SSBP3: variants seen among roughly 807,000 people sequenced by gnomAD.
The protein encoded by SSBP3 is single stranded DNA binding protein 3.
A neutral mutation model predicts 69.6 loss-of-function variants in SSBP3; 5 were observed. The observed-to-expected ratio is 0.07, with a 90% CI of 0.04 to 0.15. The LOEUF is 0.15. Among genes scored for constraint, SSBP3 ranks in the 10% least tolerant of loss-of-function variants. The pLI is 1.00. For missense variants in SSBP3, 312 were observed against 534.0 expected (o/e 0.58, Z 4.10); for synonymous variants, 196 against 193.4 (o/e 1.01, Z -0.11).
intron 4 of SSBP3, among the ~76,000 whole-genome samples, chr1:54,355,326 C>A (rs1167710131): frequency 6.6e-6 from 1 of 152,180 alleles, no homozygotes; most frequent in Non-Finnish European, 1.5e-5. Context: ...ACAGACATTA[C>A]AGGGAGATCT....
At chr1:54,254,576 C>A (rs1044220607) in intron 7 of SSBP3, among the ~76,000 whole-genome samples, 4 of 152,242 alleles carry the variant, frequency 2.6e-5, no homozygotes, top group African/African-American at 9.6e-5. Context: ...TCACTCCCCT[C>A]ACCCAAAAGG....
At chr1:54,292,707 GC>G (rs1306057889) in intron 4 of SSBP3, among the ~76,000 whole-genome samples, 1 of 152,150 alleles carries the variant, frequency 6.6e-6, no homozygotes, top group Non-Finnish European at 1.5e-5. Flanking sequence ...TGGTGCCAAA[GC>G]AAGGGAATGC....
intron 4 of SSBP3, among the ~76,000 whole-genome samples, chr1:54,339,842 G>A (rs1308357633): frequency 6.6e-6 from 1 of 152,112 alleles, no homozygotes; most frequent in Non-Finnish European, 1.5e-5. Context: ...TGAACCAAAG[G>A]GGCGGAGGTT....
chr1:54,304,134 G>C (rs1057507042), intron 4 of SSBP3, among the ~76,000 whole-genome samples: 2 of 152,164 alleles, frequency 1.3e-5, no homozygotes. Context: ...CAGGACAAGG[G>C]AGCCATGACG....
chr1:54,275,111 C>T (rs1017854922), intron 5 of SSBP3, among the ~76,000 whole-genome samples: 1 of 152,220 alleles, frequency 6.6e-6, no homozygotes, highest in African/African-American at 2.4e-5. Flanking sequence ...CTATGAGCCC[C>T]TTGAGGGCAG....
intron 4 of SSBP3, among the ~76,000 whole-genome samples, chr1:54,397,981 G>T (rs1369069568): frequency 6.6e-6 from 1 of 152,106 alleles, no homozygotes; most frequent in African/African-American, 2.4e-5. Flanking sequence ...ACATGTCGGG[G>T]GGCACCAACC....
intron 5 of SSBP3, among the ~76,000 whole-genome samples, chr1:54,270,825 A>G (rs1645180239): frequency 2.0e-5 from 3 of 152,164 alleles, no homozygotes; most frequent in Admixed American, 2.0e-4. Context: ...ATCGCCCCCA[A>G]TTATCAGATG....
At chr1:54,240,083 T>TGCGCGCGC (rs1337756188) in intron 13 of SSBP3, among the ~76,000 whole-genome samples, 3 of 71,340 alleles carry the variant, frequency 4.2e-5, no homozygotes, top group African/African-American at 7.2e-5. Context: ...TGTGTGTGTG[T>TGCGCGCGC]GTGTGCGCGC....
At chr1:54,253,790 G>A (rs1164890209) in intron 7 of SSBP3, among the ~76,000 whole-genome samples, 2 of 152,214 alleles carry the variant, frequency 1.3e-5, no homozygotes, top group Non-Finnish European at 2.9e-5. Flanking sequence ...ACCCAGTGCA[G>A]GACCACCCCA....
chr1:54,379,033 C>T (rs1048583926), intron 4 of SSBP3, among the ~76,000 whole-genome samples: 4 of 152,222 alleles, frequency 2.6e-5, no homozygotes, highest in East Asian at 1.9e-4. Context: ...GCCAGGTCCC[C>T]GCCCCAACCC....
intron 3 of SSBP3, among the ~76,000 whole-genome samples, chr1:54,403,605 C>T (rs1468986139): frequency 6.6e-6 from 1 of 152,198 alleles, no homozygotes; most frequent in African/African-American, 2.4e-5. Flanking sequence ...AGAACAGACA[C>T]TTCATCCTCC....
intron 13 of SSBP3, among the ~76,000 whole-genome samples, chr1:54,240,073 TGTGTGTGTGTGTGTGCGCGC>T (rs1263838830): frequency 4.2e-4 from 11 of 26,212 alleles, no homozygotes; most frequent in African/African-American, 2.0e-3. Context: ...TGTGTGTGTG[TGTGTGTGTGTGTGTGCGCGC>T]GCGCGCGTGT....
chr1:54,341,825 A>G (rs566849059), intron 4 of SSBP3, among the ~76,000 whole-genome samples: 1 of 152,070 alleles, frequency 6.6e-6, no homozygotes, highest in Non-Finnish European at 1.5e-5. Flanking sequence ...GGTCTGAAAA[A>G]TGAGCAGGTA....
intron 4 of SSBP3, among the ~76,000 whole-genome samples, chr1:54,299,688 G>A (rs1380381778): frequency 6.6e-6 from 1 of 152,168 alleles, no homozygotes; most frequent in Non-Finnish European, 1.5e-5. Context: ...AACCACCCCA[G>A]TGTCTGCCTT....
intron 4 of SSBP3, among the ~76,000 whole-genome samples, chr1:54,294,702 C>A (rs1645673720): frequency 1.3e-5 from 2 of 152,162 alleles, no homozygotes; most frequent in African/African-American, 4.8e-5. Flanking sequence ...GCCAGCCTCC[C>A]TTCCATCTCC....
At chr1:54,327,263 AGG>A (rs1275666389) in intron 4 of SSBP3, among the ~76,000 whole-genome samples, 166 of 149,666 alleles carry the variant, frequency 1.1e-3, no homozygotes, top group African/African-American at 3.6e-3. Context: ...GAAGGAAGGA[AGG>A]AAGGAAAACA....
chr1:54,240,098 G>A (rs1376736129), intron 13 of SSBP3, among the ~76,000 whole-genome samples: 2,943 of 15,158 alleles, frequency 0.19, 148 homozygotes, highest in East Asian at 0.46. Context: ...GCGCGCGCGC[G>A]CGTGTGCGTG....
At chr1:54,383,303 G>A (rs1466236959) in intron 4 of SSBP3, among the ~76,000 whole-genome samples, 3 of 151,676 alleles carry the variant, frequency 2.0e-5, no homozygotes, top group South Asian at 2.1e-4. Flanking sequence ...TCTTGAACCC[G>A]GCAGGCGGAG....
intron 4 of SSBP3, among the ~76,000 whole-genome samples, chr1:54,316,665 T>TAATAA (rs1646111821): frequency 1.9e-4 from 4 of 20,650 alleles, no homozygotes; most frequent in African/African-American, 4.9e-4. Flanking sequence ...AAAAATAAAA[T>TAATAA]AAATAAATAA....
Sources: allele counts gnomAD v4.1 joint callset (sites outside exome capture counted in the v4.1 genomes callset), GRCh38; gene constraint gnomAD v4.1.1; transcripts MANE v1.5; gene names NCBI Gene and HGNC (gene_info 2026-07-23, HGNC 2026-07-21).